Variants in PCDH9 observed in about 807,000 individuals in gnomAD.
PCDH9 encodes the protein protocadherin-9.
In PCDH9, 24 loss-of-function variants were observed where a neutral mutation model predicts 70.6. That is an observed-to-expected ratio of 0.34 (90% CI 0.25 to 0.48). The LOEUF (loss-of-function observed/expected upper bound fraction) is 0.48. PCDH9 is among the 20% of genes least tolerant of loss of function. PCDH9 has a pLI of 0.99. For missense variants in PCDH9, 1,281 were observed against 1,503.6 expected (o/e 0.85, Z 2.45); for synonymous variants, 562 against 558.5 (o/e 1.01, Z -0.09).
intron 3 of PCDH9, among the ~76,000 whole-genome samples, chr13:66,735,972 A>C (rs569525536): frequency 6.6e-6 from 1 of 152,164 alleles, no homozygotes. Context: ...TCAAAAAAAA[A>C]AAATTAAAGA....
chr13:66,958,614 C>T (rs1455656122), intron 2 of PCDH9, among the ~76,000 whole-genome samples: 1 of 152,050 alleles, frequency 6.6e-6, no homozygotes, highest in Non-Finnish European at 1.5e-5. Context: ...TCATTTTTCT[C>T]TCTTAGAAGT....
At chr13:67,050,170 A>T (rs2085295345) in intron 2 of PCDH9, among the ~76,000 whole-genome samples, 1 of 152,230 alleles carries the variant, frequency 6.6e-6, no homozygotes, top group Non-Finnish European at 1.5e-5. Context: ...TTGCAGGCAG[A>T]TCTTCCATCC....
intron 3 of PCDH9, among the ~76,000 whole-genome samples, chr13:66,846,765 T>G (rs2081217703): frequency 6.6e-6 from 1 of 152,114 alleles, no homozygotes; most frequent in African/African-American, 2.4e-5. Context: ...TCAACAATTT[T>G]TAAAGTATAT....
chr13:67,211,656 G>A (rs573063731), intron 2 of PCDH9: 6 of 151,974 alleles, frequency 3.9e-5, no homozygotes, highest in East Asian at 1.9e-4. Flanking sequence ...GGATATGTAT[G>A]TTTCTCAATT....
intron 4 of PCDH9, among the ~76,000 whole-genome samples, chr13:66,580,045 C>G (rs558019255): frequency 6.6e-6 from 1 of 151,904 alleles, no homozygotes; most frequent in African/African-American, 2.4e-5. Context: ...TTTCCAGGAG[C>G]AATAGGATAT....
chr13:67,118,205 A>T (rs1253759805), intron 2 of PCDH9, among the ~76,000 whole-genome samples: 1 of 113,314 alleles, frequency 8.8e-6, no homozygotes, highest in Non-Finnish European at 2.1e-5. Context: ...TCCAAACCAA[A>T]CAGAGAGAAT....
chr13:66,672,561 C>T (rs981369309), intron 3 of PCDH9, among the ~76,000 whole-genome samples: 2 of 152,214 alleles, frequency 1.3e-5, no homozygotes, highest in African/African-American at 4.8e-5. Flanking sequence ...AGCCACCGTC[C>T]TCCAGACCCC....
chr13:66,330,587 G>A lies in PCDH9; in HGVS notation c.3341-25559C>T, dbSNP rs550079734. ...GAAAGGAGGAAAATGTAATTTGTGT[G>A]GGGGTGGGGGAAAGCCCAGCCTTAA... is the stretch of plus-strand genomic sequence containing the variant. On this transcript the variant is annotated intron_variant, in intron 4 of 4. Transcript: ENST00000377865. Among the ~76,000 whole-genome samples the A allele has an allele frequency of 1.2e-4, 18 of 152,186 alleles. No individual in the cohort carries two copies. In the East Asian group the frequency reaches 3.3e-3, roughly 28 times the overall value.
intron 4 of PCDH9, among the ~76,000 whole-genome samples, chr13:66,347,072 C>G (rs1424387757): frequency 6.6e-6 from 1 of 152,040 alleles, no homozygotes; most frequent in Non-Finnish European, 1.5e-5. Context: ...GAAACAAGTA[C>G]TATGTATTAC....
chr13:66,623,068 C>T (rs563803850), intron 4 of PCDH9, among the ~76,000 whole-genome samples: 26 of 152,292 alleles, frequency 1.7e-4, no homozygotes, highest in African/African-American at 5.5e-4. Context: ...GAAGAAACTC[C>T]GAACACATCC....
intron 4 of PCDH9, among the ~76,000 whole-genome samples, chr13:66,351,410 A>G (rs994281293): frequency 6.6e-6 from 1 of 152,198 alleles, no homozygotes; most frequent in Admixed American, 6.6e-5. Context: ...TTTCTAAGAA[A>G]TTAGTTGTTT....
chr13:67,109,165 C>T (rs2138263204), intron 2 of PCDH9, among the ~76,000 whole-genome samples: 1 of 152,266 alleles, frequency 6.6e-6, no homozygotes, highest in East Asian at 1.9e-4. Flanking sequence ...ACTCATGTAT[C>T]ATAAGGAAAA....
intron 3 of PCDH9, among the ~76,000 whole-genome samples, chr13:66,744,680 A>C (rs2079330987): frequency 1.3e-5 from 2 of 152,132 alleles, no homozygotes; most frequent in Admixed American, 1.3e-4. Context: ...TTTCAATATA[A>C]ACACAAGAAA....
intron 4 of PCDH9, among the ~76,000 whole-genome samples, chr13:66,357,925 C>T (rs898005328): frequency 3.1e-5 from 4 of 128,618 alleles, no homozygotes; most frequent in African/African-American, 5.6e-5. Flanking sequence ...TCCTTCAATA[C>T]GTTTATTAAT....
chr13:66,552,827 A>C (rs1031147989), intron 4 of PCDH9, among the ~76,000 whole-genome samples: 3 of 152,172 alleles, frequency 2.0e-5, no homozygotes, highest in Admixed American at 6.5e-5. Flanking sequence ...AGCCTGGGTA[A>C]TTTATAAAGG....
At chr13:66,893,536 C>T (rs1303447813) in intron 3 of PCDH9, among the ~76,000 whole-genome samples, 1 of 152,088 alleles carries the variant, frequency 6.6e-6, no homozygotes, top group Non-Finnish European at 1.5e-5. Context: ...TTAATCAATA[C>T]AATCAAAGTG....
chr13:66,326,218 C>T (rs7985551), intron 4 of PCDH9, among the ~76,000 whole-genome samples: 5,183 of 152,118 alleles, frequency 0.034, 303 homozygotes, highest in African/African-American at 0.12. Context: ...ATTATCAATC[C>T]TTTCTCACTT....
chr13:67,176,076 C>T (rs1034037970), intron 2 of PCDH9, among the ~76,000 whole-genome samples: 5 of 152,110 alleles, frequency 3.3e-5, no homozygotes, highest in African/African-American at 1.2e-4. Flanking sequence ...GGGAAAATTG[C>T]ATTGAGTCTA....
intron 4 of PCDH9, among the ~76,000 whole-genome samples, chr13:66,357,922 A>G (rs939768538): frequency 7.2e-6 from 1 of 139,026 alleles, no homozygotes; most frequent in African/African-American, 2.6e-5. Flanking sequence ...ATATCCTTCA[A>G]TACGTTTATT....
Sources: allele counts gnomAD v4.1 joint callset (sites outside exome capture counted in the v4.1 genomes callset), GRCh38; gene constraint gnomAD v4.1.1; transcripts MANE v1.5; gene names NCBI Gene and HGNC (gene_info 2026-07-23, HGNC 2026-07-21).